NUBPL: variants seen among roughly 807,000 people sequenced by gnomAD.
The protein encoded by NUBPL is iron-sulfur cluster transfer protein NUBPL.
A neutral mutation model predicts 45.7 loss-of-function variants in NUBPL; 31 were observed. That is an observed-to-expected ratio of 0.68 (90% CI 0.51 to 0.92). The LOEUF is 0.92. NUBPL is among the 40% of genes least tolerant of loss of function. The pLI, the probability that NUBPL is intolerant of heterozygous loss-of-function variation, is 0.00. For synonymous variants in NUBPL, 144 were observed against 140.9 expected, an observed-to-expected ratio of 1.02 and a Z score of -0.15; for missense variants, 401 against 398.7, an observed-to-expected ratio of 1.01 and a Z score of -0.05.
chr14:31,688,810 C>G (rs1307747140), intron 6 of NUBPL, among the ~76,000 whole-genome samples: 10 of 151,858 alleles, frequency 6.6e-5, no homozygotes, highest in Non-Finnish European at 1.5e-4. Context: ...TCCTCTCCCT[C>G]CTCCCGCCCT....
intron 3 of NUBPL, among the ~76,000 whole-genome samples, chr14:31,565,426 A>T (rs1443018517): frequency 6.6e-6 from 1 of 152,184 alleles, no homozygotes. Flanking sequence ...ATTCAAATGG[A>T]ATACGTGTGT....
intron 6 of NUBPL, among the ~76,000 whole-genome samples, chr14:31,716,153 T>C (rs1362370452): frequency 6.6e-6 from 1 of 152,238 alleles, no homozygotes; most frequent in African/African-American, 2.4e-5. Context: ...GTAACATGCA[T>C]GAAGCTGTCA....
At chr14:31,734,222 G>T (rs2038115365) in intron 6 of NUBPL, among the ~76,000 whole-genome samples, 1 of 152,142 alleles carries the variant, frequency 6.6e-6, no homozygotes, top group Non-Finnish European at 1.5e-5. Context: ...AAAGGCTTCA[G>T]AATCCAAATA....
chr14:31,578,215 T>C (rs1313364890), intron 3 of NUBPL, among the ~76,000 whole-genome samples: 1 of 152,236 alleles, frequency 6.6e-6, no homozygotes, highest in East Asian at 1.9e-4. Context: ...TTAAAACATA[T>C]ACAGCAAAAC....
At chr14:31,851,548 A>G (rs1343803035) in intron 10 of NUBPL, among the ~76,000 whole-genome samples, 3 of 152,194 alleles carry the variant, frequency 2.0e-5, no homozygotes, top group Non-Finnish European at 2.9e-5. Context: ...TAGATATGGT[A>G]TAACAGTTAC....
chr14:31,656,441 G>A (rs1230192086), intron 4 of NUBPL, among the ~76,000 whole-genome samples: 2 of 152,160 alleles, frequency 1.3e-5, no homozygotes, highest in Admixed American at 6.5e-5. Context: ...TCCTTACCAA[G>A]CATAATCATG....
At chr14:31,607,191 G>A (rs575415385) in intron 4 of NUBPL, among the ~76,000 whole-genome samples, 15 of 152,148 alleles carry the variant, frequency 9.9e-5, no homozygotes, top group African/African-American at 3.4e-4. Flanking sequence ...GACCAGCCTG[G>A]GCAACATGGT....
At chr14:31,620,758 G>A (rs956377501) in intron 4 of NUBPL, among the ~76,000 whole-genome samples, 1 of 152,190 alleles carries the variant, frequency 6.6e-6, no homozygotes, top group Non-Finnish European at 1.5e-5. Context: ...ATACACAGGG[G>A]TCAGGGACCC....
intron 9 of NUBPL, chr14:31,849,912 C>T (rs2040511140): frequency 3.4e-6 from 2 of 590,648 alleles, no homozygotes; most frequent in East Asian, 5.7e-5. Context: ...CCTATATAAA[C>T]ATACAATCAC....
chr14:31,578,003 C>T lies in NUBPL; in HGVS notation c.291+12955C>T, dbSNP rs1407591378. 1.1e-5 allele frequency: 14 copies of T among 1,287,358 alleles called. No individual in the cohort carries two copies. In the East Asian group the frequency reaches 1.7e-4, roughly 15 times the overall value. 79.7% of individuals were successfully genotyped at this position (1,287,358 alleles called of 1,614,324 possible). A position where few individuals can be genotyped will look rare whatever the true frequency, so the allele number is the denominator to read the frequency against. On this transcript the variant is annotated intron_variant, in intron 3 of 10. Transcript: ENST00000281081. ...AATCATCTGCCACTATTGCCTGGCC[C>T]GTTGTTATGAACTCAGTAAATGGTA...
intron 6 of NUBPL, among the ~76,000 whole-genome samples, chr14:31,732,086 T>C (rs8019820): frequency 0.47 from 70,168 of 150,252 alleles, 17,710 homozygotes; most frequent in African/African-American, 0.68. Flanking sequence ...CGCAGCTACT[T>C]GGGAGGCTGA....
At chr14:31,661,953 C>T (rs1412121069) in intron 4 of NUBPL, 1 of 152,202 alleles carries the variant, frequency 6.6e-6, no homozygotes, top group Non-Finnish European at 1.5e-5. Context: ...GCATCCTTCT[C>T]ACTTTATTAC....
intron 10 of NUBPL, among the ~76,000 whole-genome samples, chr14:31,858,644 G>A (rs1464648540): frequency 6.6e-6 from 1 of 152,060 alleles, no homozygotes; most frequent in Non-Finnish European, 1.5e-5. Context: ...GGTGCTTGGT[G>A]CTGGTATTAC....
chr14:31,572,859 C>T (rs1198703151), intron 3 of NUBPL, among the ~76,000 whole-genome samples: 1 of 152,134 alleles, frequency 6.6e-6, no homozygotes, highest in African/African-American at 2.4e-5. Context: ...GGCTACAAAC[C>T]TGTATAGCAT....
At position 31,648,694 on chromosome 14, in the gene NUBPL, G is replaced by A. The variant is rs185828873; in HGVS notation, c.383-24661G>A. 9.2e-5 allele frequency among the ~76,000 whole-genome samples: 14 copies of A among 152,272 alleles called. No homozygotes were observed. The East Asian group carries it at 2.3e-3, about 25-fold the overall frequency. ...ACTATGATCACATTTGGTTGTGAAC[G>A]AAGGAAAACCCAATGAAATAGTAGG... On this transcript the variant is annotated intron_variant, in intron 4 of 10. Coordinates refer to ENST00000281081, the MANE Select transcript of NUBPL (RefSeq NM_025152.3).
chr14:31,680,510 T>C (rs1226752925), intron 6 of NUBPL, among the ~76,000 whole-genome samples: 2 of 152,106 alleles, frequency 1.3e-5, no homozygotes, highest in African/African-American at 2.4e-5. Flanking sequence ...TTTATTCTTT[T>C]TAATTTGGTT....
intron 7 of NUBPL, among the ~76,000 whole-genome samples, chr14:31,821,551 A>G (rs1205581227): frequency 6.6e-6 from 1 of 152,218 alleles, no homozygotes; most frequent in African/African-American, 2.4e-5. Context: ...GCTGACAAGG[A>G]TGTGAGGAAA....
chr14:31,787,978 T>C, intron 7 of NUBPL, 105 bp downstream of exon 7: 1 of 716,032 alleles, frequency 1.4e-6, no homozygotes, highest in Non-Finnish European at 2.5e-6. Context: ...CTTAAAAATA[T>C]TCATTCACTT....
chr14:31,853,347 C>T (rs1297890069), intron 10 of NUBPL, among the ~76,000 whole-genome samples: 2 of 152,190 alleles, frequency 1.3e-5, no homozygotes, highest in African/African-American at 2.4e-5. Flanking sequence ...TGAGCCATCA[C>T]ACCTGGCCTA....
Sources: allele counts gnomAD v4.1 joint callset (sites outside exome capture counted in the v4.1 genomes callset), GRCh38; gene constraint gnomAD v4.1.1; transcripts MANE v1.5; gene names NCBI Gene and HGNC (gene_info 2026-07-23, HGNC 2026-07-21).